CHPT1: variants seen among roughly 807,000 people sequenced by gnomAD.
The protein encoded by CHPT1 is choline phosphotransferase 1, also known as cholinephosphotransferase 1.
Under a neutral mutation model 47.6 loss-of-function variants are expected in CHPT1, and 36 were observed. The ratio of observed to expected loss-of-function variants is 0.76; its 90% CI spans 0.58 to 1.00. The LOEUF is 1.00. Among genes scored for constraint, CHPT1 ranks in the 50% least tolerant of loss-of-function variants. CHPT1 has a pLI of 0.00. For missense variants in CHPT1, 458 were observed against 498.1 expected (o/e 0.92, Z 0.77); for synonymous variants, 194 against 186.3 (o/e 1.04, Z -0.33).
chr12:101,720,260 G>T lies in CHPT1; in HGVS notation c.780+6G>T. On this transcript the variant is annotated splice_donor_region_variant and intron_variant, in intron 5 of 8. Transcript: ENST00000229266. ...AGAATGGATCCACTATAGCAGTAAG[G>T]CAATAATTTCATCATTCAGTGTCAA... The T allele has an allele frequency of 1.3e-6, 2 of 1,582,546 alleles. No homozygotes were observed. Among genetic ancestry groups the T allele is most frequent in the African/African-American group, 1.4e-5 (1 of 73,002 alleles).
rs562246323 is a variant in CHPT1, at chr12:101,697,919, C to T, written c.58C>T (p.Pro20Ser). ...GCGCTGGCTGAGGGCGCTGAGCGAG[C>T]CGCTGAGCGCGGCGCAGCTGCGGCG... The part of the protein sequence containing the change: ...APRWLRALSE[P>S]LSAAQLRRLE... The change falls in exon 1 of 9, where the codon CCG (proline) becomes TCG (serine). Residue 20 changes from proline (P) to serine (S), a missense_variant. Pro to Ser is a moderately conservative substitution (Grantham distance 74). Transcript: ENST00000229266. 8.4e-6 allele frequency: 12 copies of T among 1,432,892 alleles called. No individual in the cohort carries two copies. Among genetic ancestry groups the T allele is most frequent in the Non-Finnish European group, 1.1e-5 (12 of 1,096,064 alleles). The allele number at this position is 1,432,892 out of a possible 1,614,324, so 88.8% of individuals were successfully genotyped here. A position where few individuals can be genotyped will look rare whatever the true frequency, so the allele number is the denominator to read the frequency against.
At chr12:101,713,687 A>AATCTAGTAGCAAATCTAGAGT (rs143560673) in intron 1 of CHPT1, among the ~76,000 whole-genome samples, 15,107 of 152,088 alleles carry the variant, frequency 0.099, 887 homozygotes, top group Middle Eastern at 0.2. Context: ...TGGGAGAGCA[A>AATCTAGTAGCAAATCTAGAGT]ATCTAGTCCC....
chr12:101,700,590 G>A (rs543526588), intron 1 of CHPT1, among the ~76,000 whole-genome samples: 1 of 152,288 alleles, frequency 6.6e-6, no homozygotes, highest in Admixed American at 6.5e-5. Flanking sequence ...CATAGAACTA[G>A]CAAATGACTG....
intron 5 of CHPT1, among the ~76,000 whole-genome samples, chr12:101,720,792 C>A (rs1319024241): frequency 1.3e-5 from 2 of 152,076 alleles, no homozygotes; most frequent in Non-Finnish European, 2.9e-5. Flanking sequence ...AAATATAATG[C>A]TTTTGTATTT....
intron 7 of CHPT1, among the ~76,000 whole-genome samples, chr12:101,724,086 G>A (rs1326451301): frequency 6.6e-6 from 1 of 152,012 alleles, no homozygotes; most frequent in Non-Finnish European, 1.5e-5. Context: ...AGGCGTGGTG[G>A]TGCATCCCTG....
In CHPT1 at chr12:101,726,405, G is replaced by C. The variant is rs1951944904; in HGVS notation, c.1176+1G>C. On this transcript the variant is annotated splice_donor_variant, in intron 8 of 8. Coordinates refer to ENST00000229266, the MANE Select transcript of CHPT1 (RefSeq NM_020244.3). LOFTEE classifies it high-confidence loss of function. ...TGCATGTCATCAAGCACCTGAACAGGTTCACAAGCATATTGACTGACTAAT... is the reference window on the plus strand; with the variant it reads ...TGCATGTCATCAAGCACCTGAACAGCTTCACAAGCATATTGACTGACTAAT... 1 of 1,611,682 alleles carries C rather than the reference G, an allele frequency of 6.2e-7. No homozygotes were observed. Among genetic ancestry groups the C allele is most frequent in the South Asian group, 1.1e-5 (1 of 90,986 alleles).
Position 101,723,848 on chromosome 12 carries a change from G to T in CHPT1, c.1065+1G>T. ...ATATGTTGTTCTATGGATGGCAATG[G>T]TAAGTATTTTTCTCCATTTTATTTA... On this transcript the variant is annotated splice_donor_variant, in intron 7 of 8. Coordinates refer to ENST00000229266, the MANE Select transcript of CHPT1 (RefSeq NM_020244.3). LOFTEE classifies it high-confidence loss of function. 1 of 1,502,648 alleles carries T rather than the reference G, an allele frequency of 6.7e-7. No individual in the cohort carries two copies. The allele number at this position is 1,502,648 out of a possible 1,614,324, so 93.1% of individuals were successfully genotyped here.
Position 101,723,281 on chromosome 12 carries a change from C to T in CHPT1, c.894C>T (p.Ile298=), listed in dbSNP as rs1594143493. The T allele has an allele frequency of 6.2e-7, 1 of 1,611,156 alleles. No individual in the cohort carries two copies. Among genetic ancestry groups the T allele is most frequent in the East Asian group, 2.2e-5 (1 of 44,762 alleles). The change falls in exon 6 of 9, where the codon ATC becomes ATT. Residue 298 remains isoleucine (I), a synonymous_variant. Transcript: ENST00000229266. Reference sequence around the variant, plus strand: ...TTGAAAAGCATCCTTGTCTTTATATCCTAATGTTTGGATGTGTCTTTGCTA... The same window carrying T: ...TTGAAAAGCATCCTTGTCTTTATATTCTAATGTTTGGATGTGTCTTTGCTA... The part of the protein sequence containing the change: ...DVFEKHPCLY[I]LMFGCVFAKV...
At chr12:101,725,624 A>C (rs1951930452) in intron 7 of CHPT1, among the ~76,000 whole-genome samples, 2 of 98,872 alleles carry the variant, frequency 2.0e-5, no homozygotes, top group African/African-American at 3.9e-5. Flanking sequence ...TGTGGATGAC[A>C]AAAAAAAAAA....
At chr12:101,714,793 A>AAGGTGT in intron 3 of CHPT1, 148 bp downstream of exon 3, 3 of 669,404 alleles carry the variant, frequency 4.5e-6, no homozygotes, top group Non-Finnish European at 6.9e-6. Flanking sequence ...GCTACACCTT[A>AAGGTGT]AGTCTTTTAG....
At chr12:101,703,896 G>T (rs1213938633) in intron 1 of CHPT1, among the ~76,000 whole-genome samples, 1 of 151,712 alleles carries the variant, frequency 6.6e-6, no homozygotes, top group African/African-American at 2.4e-5. Flanking sequence ...GTGATCCCTG[G>T]AATAATGAAA....
At chr12:101,722,280 A>G (rs1415277229) in intron 5 of CHPT1, among the ~76,000 whole-genome samples, 1 of 152,124 alleles carries the variant, frequency 6.6e-6, no homozygotes, top group Non-Finnish European at 1.5e-5. Context: ...ATAATTTTAT[A>G]ATATGGTATT....
intron 4 of CHPT1, among the ~76,000 whole-genome samples, chr12:101,717,960 T>C (rs972130009): frequency 5.9e-5 from 9 of 152,224 alleles, no homozygotes; most frequent in East Asian, 1.9e-4. Flanking sequence ...GAGGAACTTA[T>C]GGAGTTCCAA....
rs1566033873 is a variant in CHPT1, at chr12:101,699,365, TGGTATGC to T, written c.273+1232_273+1238del. Among the ~76,000 whole-genome samples the T allele has an allele frequency of 1.9e-3, 285 of 149,526 alleles. 2 individuals are homozygous for T. The highest frequency in any genetic ancestry group is 6.4e-3 in the African/African-American group (255 of 39,904). On this transcript the variant is annotated intron_variant, in intron 1 of 8. Transcript: ENST00000229266. Reference sequence around the variant, plus strand: ...ATTTTAAAATATCTTGTCAATGGATTGGTATGCTTATTATGTATTTCTTTTCTTTTTT... The same window carrying T: ...ATTTTAAAATATCTTGTCAATGGATTTTATTATGTATTTCTTTTCTTTTTT...
chr12:101,712,159 C>T (rs1302591747), intron 1 of CHPT1, among the ~76,000 whole-genome samples: 1 of 148,266 alleles, frequency 6.7e-6, no homozygotes, highest in Admixed American at 6.9e-5. Flanking sequence ...GTAGCTGGGA[C>T]TACAAGTGTA....
chr12:101,715,984 A>G (rs1951758268), intron 3 of CHPT1, among the ~76,000 whole-genome samples: 1 of 152,196 alleles, frequency 6.6e-6, no homozygotes, highest in Non-Finnish European at 1.5e-5. Flanking sequence ...TGGAATTGAA[A>G]ATTGAAGGTC....
intron 7 of CHPT1, among the ~76,000 whole-genome samples, chr12:101,725,633 A>C (rs1333905156): frequency 3.2e-4 from 47 of 146,002 alleles, no homozygotes; most frequent in Admixed American, 2.9e-3. Context: ...CAAAAAAAAA[A>C]AAAAAAAGCC....
At chr12:101,700,118 G>A (rs943475835) in intron 1 of CHPT1, among the ~76,000 whole-genome samples, 3 of 152,162 alleles carry the variant, frequency 2.0e-5, no homozygotes, top group Admixed American at 6.5e-5. Context: ...TCCAGATTTA[G>A]CTAACAGCAT....
Position 101,714,719 on chromosome 12 carries a change from C to T in CHPT1, c.563+74C>T, listed in dbSNP as rs936655083. 55 of 1,427,472 alleles carry T rather than the reference C, an allele frequency of 3.9e-5. 1 individual carries two copies. The South Asian group carries it at 5.0e-4, about 13-fold the overall frequency. 88.4% of individuals were successfully genotyped at this position (1,427,472 alleles called of 1,614,324 possible). On this transcript the variant is annotated intron_variant, in intron 3 of 8. Coordinates refer to ENST00000229266, the MANE Select transcript of CHPT1 (RefSeq NM_020244.3). ...TTGCACAATCTGTTATGTCATTCAT[C>T]GATAATAAGGAGAACAAATCTTCAA...
Sources: gnomAD v4.1 joint callset for allele counts (sites outside exome capture counted in the v4.1 genomes callset) on GRCh38, gnomAD v4.1.1 for gene constraint, MANE v1.5 for transcripts, NCBI Gene and HGNC (gene_info 2026-07-23, HGNC 2026-07-21) for gene names.